The following TRPC5 variants were observed in gnomAD, a reference collection of about 807,000 sequenced individuals.
TRPC5 encodes transient receptor potential cation channel subfamily C member 5.
A neutral mutation model predicts 56.5 loss-of-function variants in TRPC5; 9 were observed. The ratio of observed to expected loss-of-function variants is 0.16; its 90% CI spans 0.10 to 0.28. The LOEUF (loss-of-function observed/expected upper bound fraction) is 0.28, where lower values mean the gene tolerates loss of function less well. TRPC5 is among the 10% of genes least tolerant of loss of function. The pLI is 1.00. For synonymous variants in TRPC5, 282 were observed against 278.5 expected (o/e 1.01, Z -0.13); for missense variants, 469 against 748.9 (o/e 0.63, Z 4.36).
Position 111,998,532 on chromosome X carries a change from A to G in TRPC5, c.-21-46091T>C, listed in dbSNP as rs1928607825. ...TCCAAACATCCTTCTGTCTGCAGTC[A>G]GCCCTGCCAAACCCACAGATACAAA... On this transcript the variant is annotated intron_variant, in intron 1 of 10. Transcript: ENST00000262839. Among the ~76,000 whole-genome samples the G allele has an allele frequency of 3.6e-5, 4 of 111,915 alleles. No individual in the cohort carries two copies. The Admixed American group carries it at 3.8e-4, about 11-fold the overall frequency.
chrX:112,073,043 G>T (rs1930752415), intron 1 of TRPC5, among the ~76,000 whole-genome samples: 2 of 111,457 alleles, frequency 1.8e-5, no homozygotes, highest in Admixed American at 1.9e-4. Flanking sequence ...ACTTTATAAT[G>T]CTTTCTGTCC....
intron 1 of TRPC5, among the ~76,000 whole-genome samples, chrX:112,036,305 C>T (rs1929740270): frequency 8.9e-6 from 1 of 112,197 alleles, no homozygotes; most frequent in African/African-American, 3.2e-5. Context: ...ATTTGCCTTA[C>T]AACACCTTTG....
At chrX:111,831,954 C>G (rs1179206495) in intron 7 of TRPC5, among the ~76,000 whole-genome samples, 1 of 111,524 alleles carries the variant, frequency 9.0e-6, no homozygotes, top group East Asian at 2.8e-4. Flanking sequence ...GAGCTTGTGC[C>G]TATACATCAG....
intron 1 of TRPC5, among the ~76,000 whole-genome samples, chrX:112,055,809 T>C (rs184410683): frequency 9.2e-6 from 1 of 108,399 alleles, no homozygotes; most frequent in Non-Finnish European, 1.9e-5. Flanking sequence ...ATTGGGAGGG[T>C]TTTTTTAGTA....
At chrX:111,853,705 C>CTAG in intron 4 of TRPC5, 65 bp downstream of exon 4, 2 of 1,086,615 alleles carry the variant, frequency 1.8e-6, no homozygotes, top group Non-Finnish European at 1.3e-6. Flanking sequence ...ACTGCCTGTT[C>CTAG]TAGTAGTTTA....
chrX:112,054,841 G>A (rs1396050948), intron 1 of TRPC5, among the ~76,000 whole-genome samples: 1 of 111,385 alleles, frequency 9.0e-6, no homozygotes, highest in African/African-American at 3.3e-5. Flanking sequence ...AGCCTCCACT[G>A]AGAAGTCCTC....
chrX:111,781,236 A>T, intron 8 of TRPC5, 30 bp from the exon 9 acceptor site: 7 of 1,177,546 alleles, frequency 5.9e-6, no homozygotes, highest in Non-Finnish European at 8.1e-6. Flanking sequence ...GAGATGTTAC[A>T]TCAGCAGTCT....
chrX:111,814,783 T>C (rs1048200993), intron 7 of TRPC5, among the ~76,000 whole-genome samples: 37 of 110,720 alleles, frequency 3.3e-4, no homozygotes, highest in African/African-American at 1.2e-3. Flanking sequence ...GCTCTGACCA[T>C]TTGAGGACTT....
chrX:111,798,216 A>G (rs2148558680), intron 7 of TRPC5, among the ~76,000 whole-genome samples: 1 of 112,040 alleles, frequency 8.9e-6, no homozygotes, highest in African/African-American at 3.2e-5. Context: ...AAATGTAAAC[A>G]AGCATAAAGA....
chrX:111,875,884 G>A (rs1280211527), intron 3 of TRPC5, among the ~76,000 whole-genome samples: 1 of 109,810 alleles, frequency 9.1e-6, no homozygotes, highest in Non-Finnish European at 1.9e-5. Context: ...AAACAAAGAA[G>A]GGATGTGTTT....
intron 3 of TRPC5, among the ~76,000 whole-genome samples, chrX:111,855,653 A>G (rs1923204949): frequency 8.9e-6 from 1 of 112,422 alleles, no homozygotes; most frequent in Admixed American, 9.4e-5. Flanking sequence ...AAACATGTTC[A>G]TGATCTCCAT....
At chrX:111,802,823 G>C (rs1921359775) in intron 7 of TRPC5, among the ~76,000 whole-genome samples, 1 of 111,375 alleles carries the variant, frequency 9.0e-6, no homozygotes. Context: ...TAGCAAGCCT[G>C]CATGTTATAT....
At chrX:111,986,285 T>C (rs1237777239) in intron 1 of TRPC5, among the ~76,000 whole-genome samples, 1 of 105,545 alleles carries the variant, frequency 9.5e-6, no homozygotes, top group Non-Finnish European at 2.0e-5. Context: ...AGTGAGCCCA[T>C]ATCGACAAAT....
chrX:112,006,041 G>A (rs960606934), intron 1 of TRPC5, among the ~76,000 whole-genome samples: 1 of 111,647 alleles, frequency 9.0e-6, no homozygotes, highest in Non-Finnish European at 1.9e-5. Flanking sequence ...CTGAAACCCA[G>A]TTGGCAAATG....
chrX:111,836,838 T>C (rs886742117), intron 6 of TRPC5, among the ~76,000 whole-genome samples: 1 of 112,194 alleles, frequency 8.9e-6, no homozygotes, highest in Non-Finnish European at 1.9e-5. Flanking sequence ...GTGGAGAAGA[T>C]TCCAATCCCA....
At chrX:111,889,704 A>AT (rs776189733) in intron 3 of TRPC5, among the ~76,000 whole-genome samples, 5 of 111,218 alleles carry the variant, frequency 4.5e-5, no homozygotes, top group East Asian at 2.8e-4. Context: ...AGGGTAAAGC[A>AT]TTTTTTTTAG....
chrX:111,798,048 GA>G (rs1033143157), intron 7 of TRPC5, among the ~76,000 whole-genome samples: 1 of 110,821 alleles, frequency 9.0e-6, no homozygotes, highest in Non-Finnish European at 1.9e-5. Flanking sequence ...GAAAAATTAA[GA>G]AAAAAATGGA....
chrX:111,807,356 A>C (rs1921547148), intron 7 of TRPC5, among the ~76,000 whole-genome samples: 1 of 112,257 alleles, frequency 8.9e-6, no homozygotes, highest in African/African-American at 3.2e-5. Flanking sequence ...TGAGAGACTC[A>C]TGCATTCTTC....
chrX:112,023,245 TG>T (rs1202144003), intron 1 of TRPC5, among the ~76,000 whole-genome samples: 13 of 97,058 alleles, frequency 1.3e-4, no homozygotes, highest in African/African-American at 3.0e-4. Context: ...TTTTTTTTTT[TG>T]TTTTTTTTTT....
Sources: allele counts gnomAD v4.1 joint callset (sites outside exome capture counted in the v4.1 genomes callset), GRCh38; gene constraint gnomAD v4.1.1; transcripts MANE v1.5; gene names NCBI Gene and HGNC (gene_info 2026-07-23, HGNC 2026-07-21).